Variants in CSMD1 observed in about 807,000 individuals in gnomAD.
CSMD1 encodes CUB and Sushi multiple domains 1.
In CSMD1, 213 loss-of-function variants were observed where a neutral mutation model predicts 417.5. The ratio of observed to expected loss-of-function variants is 0.51; its 90% CI spans 0.46 to 0.57. The LOEUF (loss-of-function observed/expected upper bound fraction) is 0.57. CSMD1 is among the 20% of genes least tolerant of loss of function. The pLI is 0.00. For synonymous variants in CSMD1, 2,862 were observed against 1,736.8 expected, an observed-to-expected ratio of 1.65 and a Z score of -16.11; for missense variants, 6,923 against 4,529.7, an observed-to-expected ratio of 1.53 and a Z score of -15.17.
intron 3 of CSMD1, among the ~76,000 whole-genome samples, chr8:4,250,523 C>T (rs780359093): frequency 1.2e-4 from 19 of 152,046 alleles, no homozygotes; most frequent in Admixed American, 1.2e-3. Context: ...ATATGTATAT[C>T]GCCCATGAAG....
At chr8:4,651,469 G>T (rs2617035) in intron 1 of CSMD1, among the ~76,000 whole-genome samples, 87,822 of 151,856 alleles carry the variant, frequency 0.58, 25,593 homozygotes, top group Admixed American at 0.67. Flanking sequence ...ATATACTGGT[G>T]GGGGGAGGAA....
chr8:4,382,507 G>A (rs545864462), intron 3 of CSMD1, among the ~76,000 whole-genome samples: 2 of 152,026 alleles, frequency 1.3e-5, no homozygotes, highest in African/African-American at 2.4e-5. Flanking sequence ...TCTGTTCACC[G>A]CTCTTCTTTT....
At chr8:3,439,309 A>ATATATATATATATATATATATT in intron 12 of CSMD1, among the ~76,000 whole-genome samples, 33 of 62,438 alleles carry the variant, frequency 5.3e-4, no homozygotes, top group Admixed American at 8.8e-4. Flanking sequence ...ATATATATAT[A>ATATATATATATATATATATATT]TTTTTTTTTT....
chr8:3,032,776 A>G (rs1810428575), intron 50 of CSMD1, among the ~76,000 whole-genome samples: 1 of 151,834 alleles, frequency 6.6e-6, no homozygotes, highest in Admixed American at 6.6e-5. Context: ...CTCAACCTCT[A>G]CCTTACTTCA....
At chr8:3,805,176 A>G (rs1243759544) in intron 5 of CSMD1, among the ~76,000 whole-genome samples, 1 of 152,142 alleles carries the variant, frequency 6.6e-6, no homozygotes, top group Non-Finnish European at 1.5e-5. Flanking sequence ...AGACCACAAT[A>G]TTCCCCAGGA....
At chr8:4,147,985 G>A (rs981705713) in intron 3 of CSMD1, among the ~76,000 whole-genome samples, 3 of 152,056 alleles carry the variant, frequency 2.0e-5, no homozygotes, top group East Asian at 1.9e-4. Context: ...CTGAGTAGAG[G>A]TTAGGTCTTA....
At chr8:3,619,050 G>C (rs549707028) in intron 7 of CSMD1, among the ~76,000 whole-genome samples, 3 of 152,026 alleles carry the variant, frequency 2.0e-5, no homozygotes, top group African/African-American at 7.3e-5. Context: ...GAAAACTGCA[G>C]CAAGATTGCA....
chr8:3,852,925 C>G (rs2129101008), intron 5 of CSMD1, among the ~76,000 whole-genome samples: 1 of 152,286 alleles, frequency 6.6e-6, no homozygotes, highest in East Asian at 1.9e-4. Context: ...CTTGATCCCA[C>G]CTTCCTCACT....
intron 2 of CSMD1, among the ~76,000 whole-genome samples, chr8:4,549,112 G>T (rs1585235274): frequency 6.6e-6 from 1 of 151,704 alleles, no homozygotes; most frequent in African/African-American, 2.4e-5. Context: ...AAGAAAAGTG[G>T]TCATTAAAAA....
At chr8:4,812,652 C>G (rs1396234746) in intron 1 of CSMD1, among the ~76,000 whole-genome samples, 2 of 152,048 alleles carry the variant, frequency 1.3e-5, no homozygotes, top group Admixed American at 1.3e-4. Context: ...AACAAAGATT[C>G]TTATTCTCTA....
intron 7 of CSMD1, among the ~76,000 whole-genome samples, chr8:3,621,152 C>T (rs1796221274): frequency 6.6e-6 from 1 of 152,194 alleles, no homozygotes; most frequent in East Asian, 1.9e-4. Context: ...TGATCTCAGG[C>T]TTCTACCCTC....
chr8:4,374,971 G>C lies in CSMD1; in HGVS notation c.415+44982C>G, dbSNP rs538985844. 1.2e-4 allele frequency among the ~76,000 whole-genome samples: 16 copies of C among 133,320 alleles called. 2 individuals are homozygous for C. Among genetic ancestry groups the C allele is most frequent in the South Asian group, 3.0e-4 (1 of 3,366 alleles). The allele number at this position is 133,320 out of a possible 152,430, so 87.5% of individuals were successfully genotyped here. On this transcript the variant is annotated intron_variant, in intron 3 of 69. Coordinates refer to ENST00000635120, the MANE Select transcript of CSMD1 (RefSeq NM_033225.6). ...CAGACAAAGGTGGGGTGGGGGGGGG[G>C]GGCGATAGTGGGGGTACGGGCAAGG...
intron 11 of CSMD1, among the ~76,000 whole-genome samples, chr8:3,470,828 C>G (rs1046047286): frequency 6.6e-6 from 1 of 152,240 alleles, no homozygotes; most frequent in Non-Finnish European, 1.5e-5. Context: ...GAAGATTTAT[C>G]CCAGTTGTTG....
chr8:4,977,273 G>C (rs1408318724), intron 1 of CSMD1, among the ~76,000 whole-genome samples: 2 of 152,132 alleles, frequency 1.3e-5, no homozygotes, highest in Non-Finnish European at 2.9e-5. Flanking sequence ...AGGTAAGACT[G>C]AACTTAACAT....
intron 7 of CSMD1, among the ~76,000 whole-genome samples, chr8:3,666,513 C>G (rs993910941): frequency 6.6e-6 from 1 of 152,188 alleles, no homozygotes; most frequent in African/African-American, 2.4e-5. Flanking sequence ...ATCATCTATT[C>G]TTTCAACAAG....
intron 10 of CSMD1, among the ~76,000 whole-genome samples, chr8:3,572,048 A>C (rs1799966359): frequency 6.6e-6 from 1 of 152,148 alleles, no homozygotes; most frequent in Admixed American, 6.5e-5. Context: ...AAGAAATTCC[A>C]CCTGTGAGTG....
chr8:3,182,874 G>GTGTGTGTGTGTGTGTGTGTGTGTC (rs1821474393), intron 36 of CSMD1: 1 of 138,626 alleles, frequency 7.2e-6, no homozygotes. Context: ...GTGTGTGTGT[G>GTGTGTGTGTGTGTGTGTGTGTGTC]TGTGTGTGTG....
At chr8:4,541,263 C>T (rs572357280) in intron 2 of CSMD1, among the ~76,000 whole-genome samples, 8 of 152,332 alleles carry the variant, frequency 5.3e-5, no homozygotes, top group Non-Finnish European at 8.8e-5. Flanking sequence ...CAGTTCGTCT[C>T]TCTCATCCCC....
chr8:4,787,157 T>A (rs989949220), intron 1 of CSMD1, among the ~76,000 whole-genome samples: 19 of 152,348 alleles, frequency 1.2e-4, no homozygotes, highest in Middle Eastern at 6.8e-3. Context: ...CCCTCCGGGT[T>A]CGGCCGCTGT....
Sources: gnomAD v4.1 joint callset for allele counts (sites outside exome capture counted in the v4.1 genomes callset) on GRCh38, gnomAD v4.1.1 for gene constraint, MANE v1.5 for transcripts, NCBI Gene and HGNC (gene_info 2026-07-23, HGNC 2026-07-21) for gene names.